GFOD1: variants seen among roughly 807,000 people sequenced by gnomAD.
The protein encoded by GFOD1 is glucose-fructose oxidoreductase domain-containing protein 1.
GFOD1 carries 9 observed loss-of-function variants against 25.4 expected under a neutral mutation model. The ratio of observed to expected loss-of-function variants is 0.35; its 90% CI spans 0.21 to 0.62. The LOEUF (loss-of-function observed/expected upper bound fraction) is 0.62. Ranked by LOEUF, GFOD1 falls within the 20% of genes least tolerant of loss-of-function variation. The probability of loss-of-function intolerance (pLI) is 0.72; values close to 1 mark genes in which losing one functional copy is unlikely to be tolerated. For missense variants in GFOD1, 403 were observed against 556.9 expected, an observed-to-expected ratio of 0.72 and a Z score of 2.78; for synonymous variants, 253 against 245.6, an observed-to-expected ratio of 1.03 and a Z score of -0.28.
chr6:13,389,968 T>C (rs892465963), intron 1 of GFOD1, among the ~76,000 whole-genome samples: 6 of 152,086 alleles, frequency 3.9e-5, no homozygotes, highest in African/African-American at 7.2e-5. Flanking sequence ...TTCAAACAAG[T>C]TCAGCCCCCC....
intron 1 of GFOD1, among the ~76,000 whole-genome samples, chr6:13,407,062 C>T (rs531398757): frequency 1.4e-4 from 21 of 152,226 alleles, no homozygotes; most frequent in African/African-American, 4.6e-4. Flanking sequence ...CCATGGTGCA[C>T]CCTCCATTTC....
intron 1 of GFOD1, chr6:13,469,536 T>C: frequency 9.6e-7 from 1 of 1,039,056 alleles, no homozygotes; most frequent in South Asian, 3.6e-5. Flanking sequence ...CTGCAGCACA[T>C]TATACTGGAA....
At chr6:13,378,862 C>T (rs1046281298) in intron 1 of GFOD1, among the ~76,000 whole-genome samples, 3 of 152,178 alleles carry the variant, frequency 2.0e-5, no homozygotes, top group Non-Finnish European at 2.9e-5. Flanking sequence ...GAAAGCAGCC[C>T]AGTGCTCCAT....
At chr6:13,433,717 G>A (rs1367962411) in intron 1 of GFOD1, among the ~76,000 whole-genome samples, 1 of 152,052 alleles carries the variant, frequency 6.6e-6, no homozygotes, top group Non-Finnish European at 1.5e-5. Flanking sequence ...TCAGTGCACT[G>A]AAGAGAGAGA....
intron 1 of GFOD1, among the ~76,000 whole-genome samples, chr6:13,462,285 AC>A (rs1196786370): frequency 6.6e-6 from 1 of 152,204 alleles, no homozygotes; most frequent in African/African-American, 2.4e-5. Flanking sequence ...GGACCTCGCA[AC>A]CTTGGACCGC....
intron 1 of GFOD1, among the ~76,000 whole-genome samples, chr6:13,408,877 G>C (rs1785994493): frequency 6.6e-6 from 1 of 151,964 alleles, no homozygotes; most frequent in African/African-American, 2.4e-5. Flanking sequence ...TTTGAGGTCA[G>C]GAGTTTGATA....
intron 1 of GFOD1, among the ~76,000 whole-genome samples, chr6:13,475,988 T>C (rs1303836341): frequency 2.0e-5 from 3 of 152,210 alleles, no homozygotes; most frequent in Non-Finnish European, 4.4e-5. Flanking sequence ...CCTATGTTGC[T>C]AGTGGGAATG....
At chr6:13,431,547 C>A (rs983079026) in intron 1 of GFOD1, among the ~76,000 whole-genome samples, 1 of 152,208 alleles carries the variant, frequency 6.6e-6, no homozygotes, top group African/African-American at 2.4e-5. Context: ...TAATTCCACA[C>A]TCACCAATAG....
chr6:13,423,806 G>A (rs577529244), intron 1 of GFOD1, among the ~76,000 whole-genome samples: 1 of 152,046 alleles, frequency 6.6e-6, no homozygotes, highest in Admixed American at 6.5e-5. Flanking sequence ...TCTACCTCCC[G>A]CCCGAAGCAA....
intron 1 of GFOD1, among the ~76,000 whole-genome samples, chr6:13,419,671 G>A (rs547840767): frequency 3.3e-5 from 5 of 152,218 alleles, no homozygotes; most frequent in East Asian, 1.9e-4. Flanking sequence ...CGCCCGTGCC[G>A]CCGCTCCTCT....
At chr6:13,373,986 T>C (rs1785200780) in intron 1 of GFOD1, among the ~76,000 whole-genome samples, 1 of 152,182 alleles carries the variant, frequency 6.6e-6, no homozygotes, top group Admixed American at 6.5e-5. Flanking sequence ...TCTGATCTGC[T>C]CATAGCACAA....
intron 1 of GFOD1, chr6:13,408,210 GA>G: frequency 9.0e-6 from 4 of 444,752 alleles, no homozygotes; most frequent in Non-Finnish European, 1.2e-5. Context: ...CCTTGGGCCA[GA>G]CTATGGCAGG....
At chr6:13,367,225 C>T (rs926360362) in intron 1 of GFOD1, among the ~76,000 whole-genome samples, 3 of 152,134 alleles carry the variant, frequency 2.0e-5, no homozygotes, top group African/African-American at 7.2e-5. Flanking sequence ...CAAGGTAAGT[C>T]TAATTAAGTC....
chr6:13,371,973 G>A (rs536028201), intron 1 of GFOD1, among the ~76,000 whole-genome samples: 2 of 152,290 alleles, frequency 1.3e-5, no homozygotes, highest in African/African-American at 2.4e-5. Flanking sequence ...CTTCTGGGGA[G>A]GCCTTCACAA....
At chr6:13,463,829 C>T (rs187978946) in intron 1 of GFOD1, among the ~76,000 whole-genome samples, 2 of 152,100 alleles carry the variant, frequency 1.3e-5, no homozygotes, top group African/African-American at 4.8e-5. Flanking sequence ...AATTATGATC[C>T]AGTACATAAA....
At chr6:13,464,214 C>T (rs560920162) in intron 1 of GFOD1, among the ~76,000 whole-genome samples, 184 of 152,270 alleles carry the variant, frequency 1.2e-3, no homozygotes, top group Admixed American at 2.9e-3. Flanking sequence ...ATGCACTCTT[C>T]CCTGTAAACC....
At chr6:13,458,827 TAAG>T (rs1459472894) in intron 1 of GFOD1, among the ~76,000 whole-genome samples, 1 of 145,666 alleles carries the variant, frequency 6.9e-6, no homozygotes, top group Non-Finnish European at 1.5e-5. Context: ...TGATTTCTTG[TAAG>T]AAGTGATGAT....
In GFOD1 at chr6:13,364,413, AGGGAGGG is replaced by A; in HGVS notation, c.*323_*329del. The A allele has an allele frequency of 2.0e-5, 6 of 306,268 alleles. No homozygotes were observed. Among genetic ancestry groups the A allele is most frequent in the South Asian group, 1.0e-4 (2 of 19,570 alleles). The allele number at this position is 306,268 out of a possible 1,614,324, so 19.0% of individuals were successfully genotyped here. On this transcript the variant is annotated 3_prime_UTR_variant, in exon 2 of 2. Coordinates refer to ENST00000379287, the MANE Select transcript of GFOD1 (RefSeq NM_018988.4). This position sits in a 1 kb window ranked among gnomAD's most constrained non-coding sequence, Gnocchi z 4.1. ...CCAAGGTGTGTGGGATGGATGAGGT[AGGGAGGG>A]AAGCAACCCCTCCTTGCTTGTCACA...
chr6:13,458,757 CAAAAAAAAAA>C (rs5874418), intron 1 of GFOD1, among the ~76,000 whole-genome samples: 15 of 57,238 alleles, frequency 2.6e-4, no homozygotes, highest in South Asian at 1.5e-3. Context: ...TCCCCTTGAG[CAAAAAAAAAA>C]AAAAAAAAAA....
Sources: allele counts gnomAD v4.1 joint callset (sites outside exome capture counted in the v4.1 genomes callset), GRCh38; gene constraint gnomAD v4.1.1; non-coding constraint Gnocchi (gnomAD v3.1); transcripts MANE v1.5; gene names NCBI Gene and HGNC (gene_info 2026-07-23, HGNC 2026-07-21).